SP110: variants seen among roughly 807,000 people sequenced by gnomAD.
SP110 encodes the protein interferon-induced protein 41, 30kD.
A neutral mutation model predicts 92.7 loss-of-function variants in SP110; 62 were observed. The ratio of observed to expected loss-of-function variants is 0.67; its 90% CI spans 0.55 to 0.83. The LOEUF (loss-of-function observed/expected upper bound fraction) is 0.83. Ranked by LOEUF, SP110 falls within the 40% of genes least tolerant of loss-of-function variation. SP110 has a pLI of 0.00. For missense variants in SP110, 793 were observed against 863.9 expected (o/e 0.92, Z 1.03); for synonymous variants, 273 against 305.3 (o/e 0.89, Z 1.10).
chr2:230,177,558 T>G lies in SP110; in HGVS notation c.1570A>C (p.Thr524Pro). 6.2e-7 allele frequency: 1 copy of G among 1,614,128 alleles called. No individual in the cohort carries two copies. Among genetic ancestry groups the G allele is most frequent in the Non-Finnish European group, 8.5e-7 (1 of 1,179,962 alleles). Residue 524 changes from threonine to proline, a missense_variant, in exon 14 of 19, where the codon ACC becomes CCC. Transcript: ENST00000258381. ...AATACCTTCAGCAGCTCTCCTAGGGTCATTCCTTCACAACGTATATTCCGT... is the reference window on the plus strand; with the variant it reads ...AATACCTTCAGCAGCTCTCCTAGGGGCATTCCTTCACAACGTATATTCCGT... Reference protein sequence around the residue: ...WKRNIRCEGMTLGELLKRKNS... With the variant: ...WKRNIRCEGMPLGELLKRKNS...
chr2:230,216,252 G>A (rs2045163927), intron 2 of SP110, among the ~76,000 whole-genome samples: 1 of 152,216 alleles, frequency 6.6e-6, no homozygotes, highest in South Asian at 2.1e-4. Flanking sequence ...TGTCTTTGCA[G>A]TTGTAATTAA....
chr2:230,168,917 ATT>A lies in SP110; in HGVS notation c.*205_*206del, dbSNP rs1553839905. The A allele has an allele frequency of 2.7e-3, 1,164 of 424,412 alleles. No individual in the cohort carries two copies. The highest frequency in any genetic ancestry group is 6.0e-3 in the South Asian group (236 of 39,386). 26.3% of individuals were successfully genotyped at this position (424,412 alleles called of 1,614,324 possible). On this transcript the variant is annotated 3_prime_UTR_variant, in exon 19 of 19. Coordinates refer to ENST00000258381, the MANE Select transcript of SP110 (RefSeq NM_080424.4). ...ATCTGATGGTATTAAGGAAGTATTA[ATT>A]TTTTTTTTTTTTAGTGTAGATATAG... is the stretch of plus-strand genomic sequence containing the variant.
chr2:230,203,181 C>A (rs2043354896), intron 8 of SP110: 1 of 191,234 alleles, frequency 5.2e-6, no homozygotes, highest in Non-Finnish European at 1.1e-5. Flanking sequence ...ATTAAAAAAA[C>A]TGAGAGGGAA....
intron 10 of SP110, among the ~76,000 whole-genome samples, chr2:230,199,563 T>A (rs1051605317): frequency 1.3e-5 from 2 of 152,070 alleles, no homozygotes; most frequent in African/African-American, 4.8e-5. Context: ...TCCAGGAACT[T>A]TTCTATGTTG....
At chr2:230,172,599 C>T (rs922152762) in intron 15 of SP110, 7 of 556,670 alleles carry the variant, frequency 1.3e-5, no homozygotes, top group Admixed American at 3.1e-5. Flanking sequence ...TTTTCCCGTC[C>T]CCTCCTCCTT....
chr2:230,168,067 CT>C lies in SP110; in HGVS notation c.*1056del, dbSNP rs2078338138. On this transcript the variant is annotated 3_prime_UTR_variant, in exon 19 of 19. Coordinates refer to ENST00000258381, the MANE Select transcript of SP110 (RefSeq NM_080424.4). ...GAGGTTGCAGTGAGTCAAGATGACG[CT>C]ACTGTACTCCGGCCTGGGTGACAGA... 1 of 128,672 alleles carries C rather than the reference CT, an allele frequency of 7.8e-6. No individual in the cohort carries two copies. Among genetic ancestry groups the C allele is most frequent in the African/African-American group, 3.0e-5 (1 of 33,298 alleles). 8.0% of individuals were successfully genotyped at this position (128,672 alleles called of 1,614,324 possible).
chr2:230,183,538 C>A, intron 12 of SP110, 34 bp downstream of exon 12: 1 of 1,447,780 alleles, frequency 6.9e-7, no homozygotes, highest in Non-Finnish European at 9.7e-7. Flanking sequence ...CTCTGGGGAG[C>A]CCAGTGGGGA....
intron 14 of SP110, among the ~76,000 whole-genome samples, chr2:230,175,300 T>A (rs1335470221): frequency 6.6e-6 from 1 of 152,154 alleles, no homozygotes; most frequent in East Asian, 1.9e-4. Flanking sequence ...TGGCTTTCCA[T>A]TGATTGAAGG....
intron 12 of SP110, among the ~76,000 whole-genome samples, chr2:230,183,125 T>C (rs928220933): frequency 1.4e-5 from 2 of 146,118 alleles, no homozygotes; most frequent in African/African-American, 5.1e-5. Flanking sequence ...AGAAGAGGAG[T>C]GGGAGGGAGA....
chr2:230,214,573 A>G (rs2148937150), intron 3 of SP110, among the ~76,000 whole-genome samples: 1 of 152,310 alleles, frequency 6.6e-6, no homozygotes, highest in Non-Finnish European at 1.5e-5. Context: ...GATACTTATT[A>G]TTATCCGTCC....
Position 230,165,214 on chromosome 2 carries a change from ATATAT to A in SP110, c.*3905_*3909del, listed in dbSNP as rs1186331667. On this transcript the variant is annotated 3_prime_UTR_variant, in exon 19 of 19. Transcript: ENST00000258381. ...TGAAGGTGAGAAGTTATGATAAGTT[ATATAT>A]TATGTTATTAATTTATGAAAACAAT... Among the ~76,000 whole-genome samples the A allele has an allele frequency of 1.3e-5, 2 of 152,250 alleles. No individual in the cohort carries two copies. Among genetic ancestry groups the A allele is most frequent in the African/African-American group, 4.8e-5 (2 of 41,462 alleles).
chr2:230,169,122 G>T lies in SP110; in HGVS notation c.*2C>A, dbSNP rs764352546. 1 of 1,588,824 alleles carries T rather than the reference G, an allele frequency of 6.3e-7. No homozygotes were observed. Among genetic ancestry groups the T allele is most frequent in the Non-Finnish European group, 8.6e-7 (1 of 1,157,262 alleles). ...GGATGCTTCAGTCTTTACAGAACAG[G>T]GTCAAGGAAGAGTCCAGAAACCGCC... On this transcript the variant is annotated 3_prime_UTR_variant, in exon 19 of 19. Transcript: ENST00000258381.
upstream of SP110, chr2:230,221,594 G>C: frequency 1.9e-6 from 2 of 1,050,814 alleles, no homozygotes; most frequent in Non-Finnish European, 2.8e-6. Flanking sequence ...AACAGCTGAG[G>C]AGAGGGTGCA....
chr2:230,193,530 T>C (rs1227768783), intron 10 of SP110, among the ~76,000 whole-genome samples: 1 of 152,244 alleles, frequency 6.6e-6, no homozygotes, highest in East Asian at 1.9e-4. Context: ...CCTTTTGGCA[T>C]TTCTTATAAA....
At chr2:230,173,413 T>G in intron 14 of SP110, 1 of 222,802 alleles carries the variant, frequency 4.5e-6, no homozygotes, top group Non-Finnish European at 9.3e-6. Flanking sequence ...GGTCGTAACA[T>G]AACATGGCCC....
rs549499513 is a variant in SP110 at position 230,214,555 on chromosome 2, C to CA, written c.316+394dup. Among the ~76,000 whole-genome samples, 49 of 152,160 alleles carry CA rather than the reference C, an allele frequency of 3.2e-4. 1 individual carries two copies. The South Asian group carries it at 9.8e-3, about 30-fold the overall frequency. Reference sequence around the variant, plus strand: ...AAATAAAGTGTTTGCGATAAGGCACCAAAAAAAGATACTTATTATTATCCG... The same window carrying CA: ...AAATAAAGTGTTTGCGATAAGGCACCAAAAAAAAGATACTTATTATTATCCG... On this transcript the variant is annotated intron_variant, in intron 3 of 18. Coordinates refer to ENST00000258381, the MANE Select transcript of SP110 (RefSeq NM_080424.4).
At position 230,195,617 on chromosome 2, in the gene SP110, G is replaced by A. The variant is rs572090587; in HGVS notation, c.1129+5268C>T. Among the ~76,000 whole-genome samples the A allele has an allele frequency of 2.0e-4, 31 of 152,054 alleles. No individual in the cohort carries two copies. The South Asian group carries it at 3.9e-3, about 19-fold the overall frequency. Reference sequence around the variant, plus strand: ...GGTGCTGGGATTACAGGCATGAGCCGGCATGCCTTATTAATTTTAAAATTA... The same window carrying A: ...GGTGCTGGGATTACAGGCATGAGCCAGCATGCCTTATTAATTTTAAAATTA... On this transcript the variant is annotated intron_variant, in intron 10 of 18. Coordinates refer to ENST00000258381, the MANE Select transcript of SP110 (RefSeq NM_080424.4).
intron 14 of SP110, 177 bp from the exon 15 acceptor site, chr2:230,173,136 C>T (rs1248427138): frequency 1.6e-6 from 1 of 612,218 alleles, no homozygotes. Context: ...AATGGCACAA[C>T]AAGCAGAGAG....
chr2:230,191,417 T>A (rs2042626517), intron 10 of SP110, among the ~76,000 whole-genome samples: 1 of 151,404 alleles, frequency 6.6e-6, no homozygotes, highest in African/African-American at 2.4e-5. Context: ...GAGAGAAGAA[T>A]CAAATAGACA....
Sources: gnomAD v4.1 joint callset for allele counts (sites outside exome capture counted in the v4.1 genomes callset) on GRCh38, gnomAD v4.1.1 for gene constraint, MANE v1.5 for transcripts, NCBI Gene and HGNC (gene_info 2026-07-23, HGNC 2026-07-21) for gene names.